Variants in GABRG3 observed in about 807,000 individuals in gnomAD.
The protein encoded by GABRG3 is gamma-aminobutyric acid type A receptor subunit gamma3, also known as gamma-aminobutyric acid receptor subunit gamma-3.
Under a neutral mutation model 48.8 loss-of-function variants are expected in GABRG3, and 25 were observed. The ratio of observed to expected loss-of-function variants is 0.51; its 90% CI spans 0.37 to 0.72. The LOEUF (loss-of-function observed/expected upper bound fraction) is 0.72, where lower values mean the gene tolerates loss of function less well. GABRG3 is among the 30% of genes least tolerant of loss of function. The probability of loss-of-function intolerance (pLI) is 0.00; values close to 1 mark genes in which losing one functional copy is unlikely to be tolerated. For synonymous variants in GABRG3, 227 were observed against 217.6 expected, an observed-to-expected ratio of 1.04 and a Z score of -0.38; for missense variants, 394 against 577.9, an observed-to-expected ratio of 0.68 and a Z score of 3.26.
chr15:27,469,880 C>T (rs2150839799), intron 5 of GABRG3, among the ~76,000 whole-genome samples: 1 of 152,284 alleles, frequency 6.6e-6, no homozygotes, highest in African/African-American at 2.4e-5. Context: ...TAATTCTTTG[C>T]CTTACAATGG....
intron 3 of GABRG3, among the ~76,000 whole-genome samples, chr15:27,210,506 G>A (rs74004727): frequency 0.2 from 29,981 of 152,124 alleles, 3,050 homozygotes; most frequent in East Asian, 0.33. Context: ...ATGCACACAC[G>A]CGTGCTCACA....
At chr15:27,228,731 T>C (rs1474125141) in intron 3 of GABRG3, among the ~76,000 whole-genome samples, 2 of 152,222 alleles carry the variant, frequency 1.3e-5, no homozygotes, top group East Asian at 1.9e-4. Flanking sequence ...GTATCTGTCA[T>C]TTTTCAACTT....
chr15:27,517,270 C>T (rs1355676541), intron 6 of GABRG3, among the ~76,000 whole-genome samples: 2 of 152,134 alleles, frequency 1.3e-5, no homozygotes, highest in East Asian at 3.9e-4. Flanking sequence ...ATGCTGCCTC[C>T]TCCGTCATTG....
At chr15:27,029,002 C>A (rs907971300) in intron 3 of GABRG3, among the ~76,000 whole-genome samples, 1 of 152,248 alleles carries the variant, frequency 6.6e-6, no homozygotes, top group African/African-American at 2.4e-5. Context: ...GAGAAGAACA[C>A]GTGTGCACCA....
At chr15:27,143,997 GA>G (rs1160886826) in intron 3 of GABRG3, among the ~76,000 whole-genome samples, 1 of 152,132 alleles carries the variant, frequency 6.6e-6, no homozygotes, top group African/African-American at 2.4e-5. Flanking sequence ...ACACAACCCA[GA>G]TTGCCATTAA....
At chr15:27,003,956 A>G (rs1895518097) in intron 2 of GABRG3, among the ~76,000 whole-genome samples, 3 of 141,400 alleles carry the variant, frequency 2.1e-5, no homozygotes, top group South Asian at 2.3e-4. Context: ...CACCTCCTGG[A>G]CGGGGCGGCT....
intron 3 of GABRG3, among the ~76,000 whole-genome samples, chr15:27,125,042 AT>A (rs1158699776): frequency 1.3e-5 from 2 of 152,200 alleles, no homozygotes; most frequent in African/African-American, 4.8e-5. Context: ...TTGGCTTTTA[AT>A]GACAGCAGCC....
chr15:27,263,379 G>C (rs1242401703), intron 3 of GABRG3, among the ~76,000 whole-genome samples: 1 of 152,020 alleles, frequency 6.6e-6, no homozygotes, highest in Non-Finnish European at 1.5e-5. Context: ...AAGTCACCAG[G>C]TCCTAATTTC....
At chr15:27,506,853 G>GT (rs756195214) in intron 6 of GABRG3, among the ~76,000 whole-genome samples, 6 of 149,942 alleles carry the variant, frequency 4.0e-5, no homozygotes, top group East Asian at 3.9e-4. Flanking sequence ...CATTTCTCTG[G>GT]TTTTTTTTCA....
At chr15:27,103,790 T>TTC (rs1303485223) in intron 3 of GABRG3, among the ~76,000 whole-genome samples, 1 of 152,106 alleles carries the variant, frequency 6.6e-6, no homozygotes, top group African/African-American at 2.4e-5. Context: ...ACTCTTGAGG[T>TTC]TCTCTCTCAA....
chr15:27,015,303 T>C (rs971027655), intron 2 of GABRG3, among the ~76,000 whole-genome samples: 1 of 152,120 alleles, frequency 6.6e-6, no homozygotes, highest in African/African-American at 2.4e-5. Context: ...TGTTGCCATT[T>C]TGTTAATTTT....
At chr15:27,438,492 C>T (rs1249547060) in intron 5 of GABRG3, among the ~76,000 whole-genome samples, 2 of 152,194 alleles carry the variant, frequency 1.3e-5, no homozygotes, top group African/African-American at 2.4e-5. Flanking sequence ...GGGAAAACTA[C>T]GAAATGCTTC....
chr15:27,398,082 G>A (rs999979308), intron 5 of GABRG3, among the ~76,000 whole-genome samples: 1 of 152,136 alleles, frequency 6.6e-6, no homozygotes, highest in Non-Finnish European at 1.5e-5. Flanking sequence ...GGGATTACAG[G>A]TGTGAGCCAC....
chr15:27,409,464 C>A (rs948708114), intron 5 of GABRG3, among the ~76,000 whole-genome samples: 8 of 152,146 alleles, frequency 5.3e-5, no homozygotes, highest in African/African-American at 1.9e-4. Context: ...TATGTACCCT[C>A]CACCAATGGT....
chr15:27,238,229 C>A, intron 3 of GABRG3, among the ~76,000 whole-genome samples: 1 of 152,182 alleles, frequency 6.6e-6, no homozygotes. Context: ...CCCTAGGAAG[C>A]AGTCACTGAA....
At chr15:27,410,850 G>A (rs1476989234) in intron 5 of GABRG3, among the ~76,000 whole-genome samples, 488 of 27,936 alleles carry the variant, frequency 0.017, 1 homozygote, top group East Asian at 0.11. Context: ...ACGCTCGTGT[G>A]TGTGTGTGTG....
intron 3 of GABRG3, among the ~76,000 whole-genome samples, chr15:27,124,354 A>T (rs1186063420): frequency 6.6e-6 from 1 of 152,044 alleles, no homozygotes; most frequent in African/African-American, 2.4e-5. Context: ...GTCTGATTAC[A>T]CTCACTTCAC....
intron 3 of GABRG3, among the ~76,000 whole-genome samples, chr15:27,209,848 C>T (rs539728106): frequency 9.8e-5 from 15 of 152,336 alleles, no homozygotes; most frequent in Admixed American, 9.1e-4. Context: ...CTTCTGAGAC[C>T]TCTCTCCTTG....
At chr15:27,022,126 T>G (rs1411247565) in intron 2 of GABRG3, among the ~76,000 whole-genome samples, 1 of 152,154 alleles carries the variant, frequency 6.6e-6, no homozygotes, top group Non-Finnish European at 1.5e-5. Context: ...TTCTCTGTCT[T>G]TTTTTCTACC....
Sources: allele counts gnomAD v4.1 joint callset (sites outside exome capture counted in the v4.1 genomes callset), GRCh38; gene constraint gnomAD v4.1.1; transcripts MANE v1.5; gene names NCBI Gene and HGNC (gene_info 2026-07-23, HGNC 2026-07-21).